The following RAP1GDS1 variants were observed in gnomAD, a reference collection of about 807,000 sequenced individuals.
RAP1GDS1 encodes Rap1 GTPase-GDP dissociation stimulator 1.
Under a neutral mutation model 71.1 loss-of-function variants are expected in RAP1GDS1, and 35 were observed. The observed-to-expected ratio is 0.49, with a 90% confidence interval of 0.38 to 0.65. The LOEUF is 0.65. Ranked by LOEUF, RAP1GDS1 falls within the 30% of genes least tolerant of loss-of-function variation. The probability of loss-of-function intolerance (pLI) is 0.00; values close to 1 mark genes in which losing one functional copy is unlikely to be tolerated. For missense variants in RAP1GDS1, 663 were observed against 706.1 expected, an observed-to-expected ratio of 0.94 and a Z score of 0.69; for synonymous variants, 229 against 243.1, an observed-to-expected ratio of 0.94 and a Z score of 0.54.
chr4:98,283,782 C>G (rs1434852245), intron 1 of RAP1GDS1, among the ~76,000 whole-genome samples: 1 of 150,146 alleles, frequency 6.7e-6, no homozygotes, highest in African/African-American at 2.5e-5. Flanking sequence ...CCTTGAGATA[C>G]TGTGGCAGAC....
intron 1 of RAP1GDS1, among the ~76,000 whole-genome samples, chr4:98,283,220 T>G (rs1320467986): frequency 1.3e-5 from 2 of 152,152 alleles, no homozygotes; most frequent in African/African-American, 4.8e-5. Flanking sequence ...GAAATAAAAA[T>G]GTTGATTTGT....
At chr4:98,423,556 T>C (rs1401741383) in intron 12 of RAP1GDS1, among the ~76,000 whole-genome samples, 1 of 152,116 alleles carries the variant, frequency 6.6e-6, no homozygotes, top group Non-Finnish European at 1.5e-5. Context: ...TTTTCGGGGT[T>C]TTTTTGAGAC....
At chr4:98,409,716 A>G in intron 7 of RAP1GDS1, 1 of 453,658 alleles carries the variant, frequency 2.2e-6, no homozygotes, top group South Asian at 1.8e-5. Flanking sequence ...GAACAAACGG[A>G]AGGGGCCTGA....
At chr4:98,326,404 C>T (rs934371156) in intron 2 of RAP1GDS1, among the ~76,000 whole-genome samples, 1 of 152,100 alleles carries the variant, frequency 6.6e-6, no homozygotes, top group South Asian at 2.1e-4. Context: ...CATTCTCAAC[C>T]CCTTTCTTGA....
intron 4 of RAP1GDS1, among the ~76,000 whole-genome samples, chr4:98,368,373 A>G (rs1237819472): frequency 2.0e-5 from 3 of 152,196 alleles, no homozygotes; most frequent in Non-Finnish European, 2.9e-5. Flanking sequence ...TGTATGTATT[A>G]CCTCATCTTG....
At chr4:98,357,494 A>G (rs1738128727) in intron 4 of RAP1GDS1, among the ~76,000 whole-genome samples, 1 of 151,910 alleles carries the variant, frequency 6.6e-6, no homozygotes, top group African/African-American at 2.4e-5. Flanking sequence ...CATTCTAAAT[A>G]TAGATTGAAG....
intron 12 of RAP1GDS1, among the ~76,000 whole-genome samples, chr4:98,428,918 G>A (rs1327387787): frequency 1.3e-5 from 2 of 152,104 alleles, no homozygotes; most frequent in East Asian, 3.9e-4. Context: ...ATTCACAATT[G>A]GAAAAATGTG....
At chr4:98,400,209 C>T (rs1208865956) in intron 6 of RAP1GDS1, among the ~76,000 whole-genome samples, 2 of 151,870 alleles carry the variant, frequency 1.3e-5, no homozygotes, top group Non-Finnish European at 2.9e-5. Context: ...TGTCTCCTTA[C>T]TGGGTATTTA....
intron 4 of RAP1GDS1, among the ~76,000 whole-genome samples, chr4:98,362,761 AT>A (rs1738930419): frequency 1.3e-5 from 2 of 152,314 alleles, no homozygotes; most frequent in South Asian, 4.2e-4. Context: ...ACATATTTTT[AT>A]AGTAATGATT....
chr4:98,374,333 A>G (rs953414738), intron 4 of RAP1GDS1, among the ~76,000 whole-genome samples: 2 of 152,106 alleles, frequency 1.3e-5, no homozygotes, highest in African/African-American at 2.4e-5. Context: ...CCTTTCTAGC[A>G]TTTCCATTTA....
intron 13 of RAP1GDS1, among the ~76,000 whole-genome samples, chr4:98,434,501 T>C (rs1001737954): frequency 8.5e-5 from 13 of 152,162 alleles, no homozygotes; most frequent in Non-Finnish European, 4.4e-5. Context: ...GTGACTTCTA[T>C]TGCCTTACTC....
At chr4:98,281,418 T>C (rs11728018) in intron 1 of RAP1GDS1, among the ~76,000 whole-genome samples, 27 of 152,184 alleles carry the variant, frequency 1.8e-4, no homozygotes, top group Non-Finnish European at 2.8e-4. Context: ...TTGTCTGTTA[T>C]TGGTGTATAG....
intron 6 of RAP1GDS1, among the ~76,000 whole-genome samples, chr4:98,397,911 C>T (rs1415691639): frequency 6.6e-6 from 1 of 152,074 alleles, no homozygotes; most frequent in African/African-American, 2.4e-5. Context: ...CCATTTGTCT[C>T]CCAGAACGTA....
rs930603383 is a variant in RAP1GDS1, at chr4:98,443,186, A to G, written c.*1069A>G. The G allele has an allele frequency of 5.2e-5, 12 of 232,514 alleles. No homozygotes were observed. The highest frequency in any genetic ancestry group is 1.7e-4 in the Admixed American group (3 of 17,748). The allele number at this position is 232,514 out of a possible 1,614,324, so 14.4% of individuals were successfully genotyped here. ...GAAAGGAAAGCAGGTTATAAAAGCC[A>G]TAGTAGCCAGTCCAGTTCATTCTGC... On this transcript the variant is annotated 3_prime_UTR_variant, in exon 15 of 15. Transcript: ENST00000408927.
chr4:98,277,489 A>G (rs766606610), intron 1 of RAP1GDS1, among the ~76,000 whole-genome samples: 6 of 152,056 alleles, frequency 3.9e-5, no homozygotes, highest in Admixed American at 2.6e-4. Flanking sequence ...ACTGTCCCCT[A>G]TATTCTTCGT....
intron 2 of RAP1GDS1, among the ~76,000 whole-genome samples, chr4:98,336,091 T>G (rs898024349): frequency 1.3e-5 from 2 of 152,140 alleles, no homozygotes; most frequent in African/African-American, 4.8e-5. Context: ...TGGAGATAGA[T>G]CTTTTGCTGA....
intron 3 of RAP1GDS1, among the ~76,000 whole-genome samples, chr4:98,346,792 C>T (rs1415012421): frequency 6.6e-6 from 1 of 152,174 alleles, no homozygotes; most frequent in Admixed American, 6.5e-5. Flanking sequence ...GATCTGCCCA[C>T]CTTGGTCTCC....
chr4:98,309,756 ATTC>A (rs1355863668), intron 2 of RAP1GDS1, among the ~76,000 whole-genome samples: 1 of 151,928 alleles, frequency 6.6e-6, no homozygotes, highest in Admixed American at 6.6e-5. Flanking sequence ...AAAATGCCAT[ATTC>A]TTAATTTTGT....
At chr4:98,380,191 T>C (rs1156926238) in intron 5 of RAP1GDS1, among the ~76,000 whole-genome samples, 2 of 151,736 alleles carry the variant, frequency 1.3e-5, no homozygotes, top group East Asian at 3.9e-4. Context: ...GAAGAGCCCT[T>C]GTCCTATTGA....
Sources: gnomAD v4.1 joint callset for allele counts (sites outside exome capture counted in the v4.1 genomes callset) on GRCh38, gnomAD v4.1.1 for gene constraint, MANE v1.5 for transcripts, NCBI Gene and HGNC (gene_info 2026-07-23, HGNC 2026-07-21) for gene names.